The following DEPTOR variants were observed in gnomAD, a reference collection of about 807,000 sequenced individuals.
DEPTOR encodes the protein DEP domain containing MTOR interacting protein, also known as DEP domain-containing mTOR-interacting protein.
A neutral mutation model predicts 41.6 loss-of-function variants in DEPTOR; 41 were observed. That is an observed-to-expected ratio of 0.98 (90% CI 0.77 to 1.28). DEPTOR has a LOEUF of 1.28. Among genes scored for constraint, DEPTOR ranks in the 50% most tolerant of loss-of-function variants. The probability of loss-of-function intolerance (pLI) is 0.00; values close to 1 mark genes in which losing one functional copy is unlikely to be tolerated. For missense variants in DEPTOR, 514 were observed against 527.9 expected (o/e 0.97, Z 0.26); for synonymous variants, 195 against 192.3 (o/e 1.01, Z -0.12).
chr8:120,034,308 G>A (rs1340636047), intron 8 of DEPTOR, among the ~76,000 whole-genome samples: 2 of 140,120 alleles, frequency 1.4e-5, no homozygotes, highest in Non-Finnish European at 3.1e-5. Context: ...CATTGTATTC[G>A]TAGCTGAGAT....
intron 8 of DEPTOR, among the ~76,000 whole-genome samples, chr8:120,035,428 C>A (rs1812966515): frequency 6.6e-6 from 1 of 152,150 alleles, no homozygotes; most frequent in South Asian, 2.1e-4. Context: ...CTTCCTATAT[C>A]CACAGTAAAA....
At position 119,980,010 on chromosome 8, in the gene DEPTOR, G is replaced by A. The variant is rs537308180; in HGVS notation, c.604+14600G>A. On this transcript the variant is annotated intron_variant, in intron 4 of 8. Transcript: ENST00000286234. ...TATGGCAAATGGCTTTCAAAGTACT[G>A]TACCCAATGAAAGGGGTGAACTTGT... Among the ~76,000 whole-genome samples, 3 of 152,224 alleles carry A rather than the reference G, an allele frequency of 2.0e-5. No individual in the cohort carries two copies. In the South Asian group the frequency reaches 6.2e-4, roughly 32 times the overall value.
chr8:120,015,524 T>C (rs142577151), intron 8 of DEPTOR, among the ~76,000 whole-genome samples: 356 of 152,350 alleles, frequency 2.3e-3, no homozygotes, highest in Admixed American at 4.9e-3. Context: ...GTCATCTTGC[T>C]ATATCCCAAC....
chr8:120,019,957 T>C (rs1290553312), intron 8 of DEPTOR, among the ~76,000 whole-genome samples: 1 of 152,182 alleles, frequency 6.6e-6, no homozygotes, highest in Non-Finnish European at 1.5e-5. Context: ...CCTTTCTGAC[T>C]GATTTCATTG....
Position 119,965,279 on chromosome 8 carries a change from G to A in DEPTOR, c.473G>A (p.Gly158Glu), listed in dbSNP as rs191825231. ...CTCCTGCAGCCCAGGGAGGAGGAAG[G>A]GGTCAAGTATGAGCGCACCTTCATG... ...NTLLQPREEEGVKYERTFMAS... is the reference protein window; with the variant it reads ...NTLLQPREEEEVKYERTFMAS... The change falls in exon 4 of 9, where the codon GGG (glycine) becomes GAG (glutamate). Residue 158 changes from glycine (G) to glutamate (E), a missense_variant. By Grantham distance (98) the Gly-to-Glu change is moderately conservative (BLOSUM62 -2). Transcript: ENST00000286234. 2.7e-5 allele frequency: 43 copies of A among 1,614,154 alleles called. No homozygotes were observed. The highest frequency in any genetic ancestry group is 3.5e-5 in the Non-Finnish European group (41 of 1,180,028).
intron 8 of DEPTOR, among the ~76,000 whole-genome samples, chr8:120,047,354 A>AATTTT (rs1813167387): frequency 1.3e-5 from 2 of 150,736 alleles, no homozygotes; most frequent in African/African-American, 4.9e-5. Context: ...AGATTTTCCA[A>AATTTT]ATTTTATTTT....
At chr8:119,897,975 T>G (rs1006580524) in intron 1 of DEPTOR, among the ~76,000 whole-genome samples, 2 of 152,246 alleles carry the variant, frequency 1.3e-5, no homozygotes, top group African/African-American at 4.8e-5. Context: ...TTTTCAATTA[T>G]GAAATGAAGA....
intron 8 of DEPTOR, among the ~76,000 whole-genome samples, chr8:120,020,395 A>T (rs1447051199): frequency 6.6e-6 from 1 of 152,014 alleles, no homozygotes; most frequent in Non-Finnish European, 1.5e-5. Flanking sequence ...TTGTTTTTTG[A>T]GACAGGGTCG....
At chr8:120,012,953 T>C (rs1485793924) in intron 8 of DEPTOR, among the ~76,000 whole-genome samples, 1 of 151,752 alleles carries the variant, frequency 6.6e-6, no homozygotes, top group African/African-American at 2.4e-5. Context: ...GGTCAGGAGA[T>C]TGAGATCTAC....
At chr8:120,028,849 C>T (rs1410666458) in intron 8 of DEPTOR, among the ~76,000 whole-genome samples, 1 of 151,770 alleles carries the variant, frequency 6.6e-6, no homozygotes, top group Non-Finnish European at 1.5e-5. Context: ...TTTTGGGAGG[C>T]CGAGGCAGGA....
intron 4 of DEPTOR, among the ~76,000 whole-genome samples, chr8:119,975,799 A>G (rs1341686000): frequency 6.9e-6 from 1 of 145,482 alleles, no homozygotes; most frequent in Non-Finnish European, 1.5e-5. Flanking sequence ...AACAGTGCCG[A>G]CCTAGCCTTG....
chr8:119,898,036 A>G (rs1827542585), intron 1 of DEPTOR, among the ~76,000 whole-genome samples: 1 of 152,208 alleles, frequency 6.6e-6, no homozygotes, highest in Non-Finnish European at 1.5e-5. Context: ...TAAATTATAG[A>G]TGCCAATGTG....
At chr8:120,019,451 GC>G (rs1812662740) in intron 8 of DEPTOR, among the ~76,000 whole-genome samples, 1 of 152,190 alleles carries the variant, frequency 6.6e-6, no homozygotes, top group African/African-American at 2.4e-5. Flanking sequence ...TTTCAAGTCA[GC>G]CTCTTTCAGC....
intron 3 of DEPTOR, among the ~76,000 whole-genome samples, chr8:119,954,845 GGTGTGTGTGTGT>G (rs10649943): frequency 2.3e-4 from 34 of 147,948 alleles, no homozygotes; most frequent in African/African-American, 6.4e-4. Flanking sequence ...GGCAAATATT[GGTGTGTGTGTGT>G]GTGTGTGTGT....
In DEPTOR at chr8:120,006,087, C is replaced by T. The variant is rs553041017; in HGVS notation, c.926-718C>T. Among the ~76,000 whole-genome samples, 11 of 152,264 alleles carry T rather than the reference C, an allele frequency of 7.2e-5. No homozygotes were observed. In the South Asian group the frequency reaches 1.2e-3, roughly 17 times the overall value. On this transcript the variant is annotated intron_variant, in intron 6 of 8. Coordinates refer to ENST00000286234, the MANE Select transcript of DEPTOR (RefSeq NM_022783.4). ...GTTATAAAATGGGGATAACAATGAT[C>T]CTAACTCATTCATTCTTGTGATGAT...
chr8:120,038,975 G>A (rs1197557342), intron 8 of DEPTOR, among the ~76,000 whole-genome samples: 1 of 152,230 alleles, frequency 6.6e-6, no homozygotes, highest in African/African-American at 2.4e-5. Context: ...TGCCCATGCT[G>A]ACTGGCAAGT....
At chr8:119,909,126 G>A (rs1170898753) in intron 1 of DEPTOR, among the ~76,000 whole-genome samples, 1 of 152,216 alleles carries the variant, frequency 6.6e-6, no homozygotes, top group Non-Finnish European at 1.5e-5. Flanking sequence ...GGAGACAGGT[G>A]CAGTAGTGTG....
At chr8:120,000,698 A>G (rs113707209) in intron 4 of DEPTOR, among the ~76,000 whole-genome samples, 23,059 of 151,780 alleles carry the variant, frequency 0.15, 2,841 homozygotes, top group African/African-American at 0.33. Flanking sequence ...CCTGACCTCA[A>G]GTGATCCATC....
chr8:119,923,907 G>GTTTTTTTTTTTTTTTTTTT (rs1445743154), intron 1 of DEPTOR, among the ~76,000 whole-genome samples: 1 of 70,768 alleles, frequency 1.4e-5, no homozygotes, highest in Non-Finnish European at 2.7e-5. Context: ...TTTTTTTTTG[G>GTTTTTTTTTTTTTTTTTTT]TATTATTTTT....
Sources: gnomAD v4.1 joint callset for allele counts (sites outside exome capture counted in the v4.1 genomes callset) on GRCh38, gnomAD v4.1.1 for gene constraint, MANE v1.5 for transcripts, NCBI Gene and HGNC (gene_info 2026-07-23, HGNC 2026-07-21) for gene names.